Variants in SLC12A1 observed in about 807,000 individuals in gnomAD.
The protein encoded by SLC12A1 is Na-K-2Cl cotransporter.
SLC12A1 carries 89 observed loss-of-function variants against 130.4 expected under a neutral mutation model. The observed-to-expected ratio is 0.68, with a 90% CI of 0.58 to 0.81. The LOEUF (loss-of-function observed/expected upper bound fraction) is 0.81. Ranked by LOEUF, SLC12A1 falls within the 40% of genes least tolerant of loss-of-function variation. The probability of loss-of-function intolerance (pLI) is 0.00; values close to 1 mark genes in which losing one functional copy is unlikely to be tolerated. For synonymous variants in SLC12A1, 499 were observed against 460.0 expected (o/e 1.08, Z -1.09); for missense variants, 1,310 against 1,336.4 (o/e 0.98, Z 0.31).
At chr15:48,297,829 G>A (rs1276642715) in intron 24 of SLC12A1, among the ~76,000 whole-genome samples, 1 of 152,142 alleles carries the variant, frequency 6.6e-6, no homozygotes, top group Non-Finnish European at 1.5e-5. Flanking sequence ...GAGCTGGAGC[G>A]AGAACCCAGA....
chr15:48,293,905 G>A (rs1397518567), intron 24 of SLC12A1, among the ~76,000 whole-genome samples: 2 of 152,024 alleles, frequency 1.3e-5, no homozygotes, highest in African/African-American at 4.8e-5. Flanking sequence ...AGGCTTCGTG[G>A]TGTATGCCTG....
At chr15:48,266,942 C>T (rs571774526) in intron 17 of SLC12A1, among the ~76,000 whole-genome samples, 5 of 152,266 alleles carry the variant, frequency 3.3e-5, no homozygotes, top group East Asian at 1.9e-4. Context: ...GTCATAGGTA[C>T]GTAAACCTTT....
chr15:48,257,183 A>C (rs2041717309), intron 16 of SLC12A1, among the ~76,000 whole-genome samples: 1 of 152,214 alleles, frequency 6.6e-6, no homozygotes, highest in East Asian at 1.9e-4. Context: ...ATGTTGATGC[A>C]AGGTGGGTTC....
intron 2 of SLC12A1, among the ~76,000 whole-genome samples, chr15:48,213,502 T>A (rs761286679): frequency 1.9e-5 from 2 of 104,394 alleles, no homozygotes; most frequent in African/African-American, 1.6e-4. Context: ...TCCTCTAGAA[T>A]TTTTTTTTTT....
At chr15:48,268,791 A>G (rs2041860595) in intron 18 of SLC12A1, among the ~76,000 whole-genome samples, 1 of 152,206 alleles carries the variant, frequency 6.6e-6, no homozygotes, top group Non-Finnish European at 1.5e-5. Flanking sequence ...CTTTGGTTAA[A>G]TATGTTGTCA....
chr15:48,283,651 C>T (rs910615126), intron 20 of SLC12A1, among the ~76,000 whole-genome samples: 1 of 152,212 alleles, frequency 6.6e-6, no homozygotes, highest in East Asian at 1.9e-4. Context: ...TTAGTTAGTA[C>T]ATAATTGATA....
At chr15:48,209,118 A>G (rs1397680074) in intron 2 of SLC12A1, among the ~76,000 whole-genome samples, 1 of 152,102 alleles carries the variant, frequency 6.6e-6, no homozygotes, top group Non-Finnish European at 1.5e-5. Context: ...CTGGAGTGCA[A>G]TGGTGCGATC....
chr15:48,289,411 ATATATATATATATATATAAT>A lies in SLC12A1; in HGVS notation c.2873+896_2873+915del, dbSNP rs1354342697. Among the ~76,000 whole-genome samples, 23 of 133,606 alleles carry A rather than the reference ATATATATATATATATATAAT, an allele frequency of 1.7e-4. 2 individuals carry two copies. Among genetic ancestry groups the A allele is most frequent in the South Asian group, 1.5e-3 (6 of 4,120 alleles). 87.7% of individuals were successfully genotyped at this position (133,606 alleles called of 152,430 possible). A position where few individuals can be genotyped will look rare whatever the true frequency, so the allele number is the denominator to read the frequency against. On this transcript the variant is annotated intron_variant, in intron 23 of 26. Coordinates refer to ENST00000380993, the MANE Select transcript of SLC12A1 (RefSeq NM_000338.3). ...GAATGTGACATATATATATATATAT[ATATATATATATATATATAAT>A]GTATAACTATGTATAACTGTATAAT...
chr15:48,281,678 C>T (rs1007377677), intron 20 of SLC12A1, among the ~76,000 whole-genome samples: 5 of 152,122 alleles, frequency 3.3e-5, no homozygotes, highest in African/African-American at 1.2e-4. Context: ...AGAATAATAC[C>T]AGCTCTGCAT....
chr15:48,275,761 T>C (rs1352110492), intron 20 of SLC12A1, among the ~76,000 whole-genome samples: 2 of 152,146 alleles, frequency 1.3e-5, no homozygotes, highest in Non-Finnish European at 2.9e-5. Context: ...AATAGTAAAA[T>C]ATGGGGCTGC....
intron 9 of SLC12A1, among the ~76,000 whole-genome samples, chr15:48,240,458 C>A (rs1438081448): frequency 6.6e-6 from 1 of 152,154 alleles, no homozygotes; most frequent in African/African-American, 2.4e-5. Context: ...ATAGGGCTGG[C>A]TTACTGCCAT....
intron 15 of SLC12A1, among the ~76,000 whole-genome samples, chr15:48,254,617 A>AAC (rs2041683734): frequency 8.8e-6 from 1 of 113,662 alleles, no homozygotes; most frequent in African/African-American, 4.0e-5. Flanking sequence ...AAAAAAAAAA[A>AAC]AAAAAAAAAA....
intron 21 of SLC12A1, among the ~76,000 whole-genome samples, chr15:48,286,474 G>GA (rs2042061252): frequency 1.3e-5 from 2 of 152,214 alleles, no homozygotes; most frequent in Non-Finnish European, 2.9e-5. Context: ...GTTTAACTGT[G>GA]AAAAAAGTTA....
intron 4 of SLC12A1, chr15:48,223,142 A>G (rs1268424061): frequency 6.6e-6 from 1 of 152,338 alleles, no homozygotes; most frequent in Non-Finnish European, 1.5e-5. Context: ...TTCCTACCCA[A>G]TGAATTCTTT....
chr15:48,223,085 A>G (rs2141021810), intron 4 of SLC12A1: 1 of 152,374 alleles, frequency 6.6e-6, no homozygotes, highest in South Asian at 2.1e-4. Context: ...CAAGTCACTT[A>G]CATTCGGTGT....
At chr15:48,253,915 T>C (rs1161296503) in intron 15 of SLC12A1, among the ~76,000 whole-genome samples, 1 of 152,248 alleles carries the variant, frequency 6.6e-6, no homozygotes, top group Non-Finnish European at 1.5e-5. Context: ...TGATTAACGA[T>C]GTTGAACATC....
intron 13 of SLC12A1, 47 bp downstream of exon 13, chr15:48,247,507 G>T: frequency 7.0e-7 from 1 of 1,433,308 alleles, no homozygotes. Flanking sequence ...GAATTCTTCT[G>T]ATTATTCATA....
At position 48,289,429 on chromosome 15, in the gene SLC12A1, A is replaced by ATAT. The variant is rs60319528; in HGVS notation, c.2873+913_2873+914insTAT. Among the ~76,000 whole-genome samples the ATAT allele has an allele frequency of 1.9e-3, 224 of 119,426 alleles. 8 individuals are homozygous for ATAT. The highest frequency in any genetic ancestry group is 2.8e-3 in the African/African-American group (84 of 30,320). The allele number at this position is 119,426 out of a possible 152,430, so 78.3% of individuals were successfully genotyped here. On this transcript the variant is annotated intron_variant, in intron 23 of 26. Transcript: ENST00000380993. ...TATATATATATATATATATATATAT[A>ATAT]ATGTATAACTATGTATAACTGTATA...
intron 9 of SLC12A1, among the ~76,000 whole-genome samples, chr15:48,237,828 A>T (rs1317583919): frequency 6.6e-6 from 1 of 152,198 alleles, no homozygotes; most frequent in Non-Finnish European, 1.5e-5. Flanking sequence ...TGTGTTAGAG[A>T]GAGCCTGCTA....
Sources: gnomAD v4.1 joint callset for allele counts (sites outside exome capture counted in the v4.1 genomes callset) on GRCh38, gnomAD v4.1.1 for gene constraint, MANE v1.5 for transcripts, NCBI Gene and HGNC (gene_info 2026-07-23, HGNC 2026-07-21) for gene names.